The following LRP1B variants were observed in gnomAD, a reference collection of about 807,000 sequenced individuals.
LRP1B encodes LDL receptor related protein 1B, also known as low-density lipoprotein receptor-related protein 1B.
A neutral mutation model predicts 556.6 loss-of-function variants in LRP1B; 217 were observed. The observed-to-expected ratio is 0.39, with a 90% CI of 0.35 to 0.44. The LOEUF is 0.44. Ranked by LOEUF, LRP1B falls within the 20% of genes least tolerant of loss-of-function variation. The probability of loss-of-function intolerance (pLI) is 1.00; values close to 1 mark genes in which losing one functional copy is unlikely to be tolerated. For synonymous variants in LRP1B, 2,047 were observed against 1,865.8 expected (o/e 1.10, Z -2.50); for missense variants, 5,053 against 5,620.8 (o/e 0.90, Z 3.23).
At chr2:141,954,151 T>C (rs1368172838) in intron 1 of LRP1B, among the ~76,000 whole-genome samples, 10 of 152,110 alleles carry the variant, frequency 6.6e-5, no homozygotes, top group Non-Finnish European at 1.5e-4. Flanking sequence ...TCTATTATTT[T>C]TCTTCACTTT....
intron 43 of LRP1B, among the ~76,000 whole-genome samples, chr2:140,588,809 A>T (rs1682096005): frequency 6.7e-6 from 1 of 148,170 alleles, no homozygotes; most frequent in Admixed American, 6.8e-5. Flanking sequence ...AATACAAAAA[A>T]TCAGCCGGGT....
At chr2:140,825,108 C>G (rs1465187041) in intron 31 of LRP1B, among the ~76,000 whole-genome samples, 1 of 152,112 alleles carries the variant, frequency 6.6e-6, no homozygotes, top group Non-Finnish European at 1.5e-5. Flanking sequence ...CTAAAAGTGT[C>G]TGTTTTAGAA....
At chr2:140,655,933 A>G (rs1388778691) in intron 41 of LRP1B, among the ~76,000 whole-genome samples, 1 of 151,828 alleles carries the variant, frequency 6.6e-6, no homozygotes, top group East Asian at 1.9e-4. Context: ...ACAGGGTGAG[A>G]CTCCGTCTCA....
intron 32 of LRP1B, among the ~76,000 whole-genome samples, chr2:140,778,666 A>G (rs1294969779): frequency 6.6e-6 from 1 of 152,152 alleles, no homozygotes; most frequent in African/African-American, 2.4e-5. Context: ...TAAAAATTTA[A>G]TGATATGCTC....
At chr2:140,762,955 G>A (rs565513093) in intron 35 of LRP1B, among the ~76,000 whole-genome samples, 2 of 152,170 alleles carry the variant, frequency 1.3e-5, no homozygotes, top group East Asian at 1.9e-4. Flanking sequence ...ACGTACCTAA[G>A]CTAAAAGAGA....
At chr2:140,301,967 C>T (rs995626147) in intron 83 of LRP1B, among the ~76,000 whole-genome samples, 3 of 151,918 alleles carry the variant, frequency 2.0e-5, no homozygotes, top group Non-Finnish European at 4.4e-5. Context: ...CACCTCTAAT[C>T]ACTTCCTCAC....
intron 2 of LRP1B, among the ~76,000 whole-genome samples, chr2:141,623,886 G>A (rs1036305517): frequency 1.3e-5 from 2 of 151,114 alleles, no homozygotes; most frequent in African/African-American, 4.9e-5. Context: ...ACGGTGGCAG[G>A]TTCGTGTAAT....
chr2:140,539,935 G>A lies in LRP1B; in HGVS notation c.7513+1038C>T, dbSNP rs551910629. Among the ~76,000 whole-genome samples, 7 of 152,140 alleles carry A rather than the reference G, an allele frequency of 4.6e-5. No individual in the cohort carries two copies. The South Asian group carries it at 1.5e-3, about 32-fold the overall frequency. On this transcript the variant is annotated intron_variant, in intron 45 of 90. Transcript: ENST00000389484. ...ACTTTTACTTTTTTTGCTAAGAGGT[G>A]CCTTTTTGGGTTGTAGTATCAACTT...
Position 141,312,733 on chromosome 2 carries a change from G to A in LRP1B, c.344-58092C>T, listed in dbSNP as rs114302116. On this transcript the variant is annotated intron_variant, in intron 3 of 90. Transcript: ENST00000389484. ...TGATGAAGTCTTGCTCTGCCTCCCAGTCTGGAGTACAGTGGCACAATCTCC... is the reference window on the plus strand; with the variant it reads ...TGATGAAGTCTTGCTCTGCCTCCCAATCTGGAGTACAGTGGCACAATCTCC... 9.5e-3 allele frequency among the ~76,000 whole-genome samples: 1,435 copies of A among 151,406 alleles called. 6 individuals are homozygous for A. The highest frequency in any genetic ancestry group is 0.031 in the Middle Eastern group (9 of 290).
intron 2 of LRP1B, among the ~76,000 whole-genome samples, chr2:141,667,287 A>G (rs747375608): frequency 6.6e-6 from 1 of 152,134 alleles, no homozygotes; most frequent in Non-Finnish European, 1.5e-5. Context: ...AAAACCTTCA[A>G]ATTTCAATTA....
chr2:141,617,457 G>A (rs1168126444), intron 2 of LRP1B, among the ~76,000 whole-genome samples: 1 of 152,122 alleles, frequency 6.6e-6, no homozygotes, highest in Non-Finnish European at 1.5e-5. Flanking sequence ...ACAGAATGGA[G>A]CATGCTAGCC....
At chr2:141,768,922 G>T (rs2105610844) in intron 2 of LRP1B, among the ~76,000 whole-genome samples, 1 of 151,896 alleles carries the variant, frequency 6.6e-6, no homozygotes, top group Admixed American at 6.6e-5. Context: ...ATGTATATAT[G>T]TACCTATCTA....
intron 1 of LRP1B, among the ~76,000 whole-genome samples, chr2:142,052,143 C>T (rs2105233474): frequency 6.6e-6 from 1 of 152,064 alleles, no homozygotes; most frequent in Admixed American, 6.6e-5. Context: ...AACCAGTTTT[C>T]TGAAAATCCT....
intron 1 of LRP1B, among the ~76,000 whole-genome samples, chr2:141,894,077 T>A (rs1699366260): frequency 6.6e-6 from 1 of 152,200 alleles, no homozygotes; most frequent in Non-Finnish European, 1.5e-5. Flanking sequence ...TGAAAAATCT[T>A]TGTATTGGAA....
intron 18 of LRP1B, among the ~76,000 whole-genome samples, chr2:140,980,169 T>C (rs545390270): frequency 1.3e-5 from 2 of 152,282 alleles, no homozygotes; most frequent in South Asian, 4.1e-4. Flanking sequence ...GCTCATACTT[T>C]ATTTTCCTAA....
Position 141,275,195 on chromosome 2 carries a change from A to G in LRP1B, c.344-20554T>C, listed in dbSNP as rs1685239314. On this transcript the variant is annotated intron_variant, in intron 3 of 90. Transcript: ENST00000389484. The stretch of plus-strand genomic sequence containing the variant: ...TATCACCAATAATTTTTTTTAAAAT[A>G]GTAAAGTAAATAAATGTATTCATAG... 4.6e-5 allele frequency among the ~76,000 whole-genome samples: 7 copies of G among 152,228 alleles called. No homozygotes were observed. The South Asian group carries it at 1.4e-3, about 31-fold the overall frequency.
intron 7 of LRP1B, among the ~76,000 whole-genome samples, chr2:141,156,348 G>T (rs762051537): frequency 4.6e-5 from 7 of 152,032 alleles, no homozygotes; most frequent in African/African-American, 7.2e-5. Context: ...CAATTCACTG[G>T]CCAGGCGCAT....
At chr2:140,630,788 A>G (rs537153925) in intron 41 of LRP1B, among the ~76,000 whole-genome samples, 1 of 152,298 alleles carries the variant, frequency 6.6e-6, no homozygotes, top group East Asian at 1.9e-4. Flanking sequence ...AGCCCTATCA[A>G]ATGCTGGAGA....
chr2:141,185,038 A>G (rs1006908245), intron 7 of LRP1B, among the ~76,000 whole-genome samples: 1 of 152,066 alleles, frequency 6.6e-6, no homozygotes, highest in Non-Finnish European at 1.5e-5. Flanking sequence ...TCTATTCGTA[A>G]TGGTATCACA....
Sources: gnomAD v4.1 joint callset for allele counts (sites outside exome capture counted in the v4.1 genomes callset) on GRCh38, gnomAD v4.1.1 for gene constraint, MANE v1.5 for transcripts, NCBI Gene and HGNC (gene_info 2026-07-23, HGNC 2026-07-21) for gene names.